The following NOS1AP variants were observed in gnomAD, a reference collection of about 807,000 sequenced individuals.
The protein encoded by NOS1AP is carboxyl-terminal PDZ ligand of neuronal nitric oxide synthase protein.
In NOS1AP, 21 loss-of-function variants were observed where a neutral mutation model predicts 56.2. The ratio of observed to expected loss-of-function variants is 0.37; its 90% CI spans 0.26 to 0.54. NOS1AP has a LOEUF of 0.54. NOS1AP is among the 20% of genes least tolerant of loss of function. The probability of loss-of-function intolerance (pLI) is 0.84; values close to 1 mark genes in which losing one functional copy is unlikely to be tolerated. For synonymous variants in NOS1AP, 270 were observed against 274.6 expected (o/e 0.98, Z 0.17); for missense variants, 522 against 657.8 (o/e 0.79, Z 2.26).
chr1:162,073,245 C>A (rs185113388), intron 1 of NOS1AP, among the ~76,000 whole-genome samples: 1 of 152,154 alleles, frequency 6.6e-6, no homozygotes, highest in African/African-American at 2.4e-5. Flanking sequence ...GAGGTTGTTG[C>A]GTGCCTTAGT....
chr1:162,086,246 A>G (rs915684248), intron 1 of NOS1AP, among the ~76,000 whole-genome samples: 6 of 152,058 alleles, frequency 3.9e-5, no homozygotes, highest in Admixed American at 6.5e-5. Flanking sequence ...TAGCAGCTCT[A>G]TGGAGAGTGG....
chr1:162,350,622 T>A (rs1657461016), intron 6 of NOS1AP, among the ~76,000 whole-genome samples: 1 of 152,274 alleles, frequency 6.6e-6, no homozygotes, highest in Non-Finnish European at 1.5e-5. Flanking sequence ...TGGAGCCTTT[T>A]GGCAAAATAG....
intron 3 of NOS1AP, among the ~76,000 whole-genome samples, chr1:162,300,209 A>C (rs1310955483): frequency 6.6e-6 from 1 of 152,134 alleles, no homozygotes; most frequent in Non-Finnish European, 1.5e-5. Flanking sequence ...ACTACGATTG[A>C]ATCCACTCTC....
chr1:162,292,740 C>T (rs1342194468), intron 3 of NOS1AP, among the ~76,000 whole-genome samples: 3 of 152,154 alleles, frequency 2.0e-5, no homozygotes, highest in East Asian at 1.9e-4. Context: ...GGGTGTATTA[C>T]ATCACAGGGA....
intron 1 of NOS1AP, among the ~76,000 whole-genome samples, chr1:162,107,255 A>T (rs1647549255): frequency 6.6e-6 from 1 of 152,220 alleles, no homozygotes; most frequent in Non-Finnish European, 1.5e-5. Flanking sequence ...GGGTAATGGG[A>T]TGGAGGGAAA....
At chr1:162,326,965 T>A (rs1656612675) in intron 4 of NOS1AP, among the ~76,000 whole-genome samples, 1 of 152,238 alleles carries the variant, frequency 6.6e-6, no homozygotes, top group South Asian at 2.1e-4. Flanking sequence ...ATCATGTGAC[T>A]GCCCAGATTT....
At chr1:162,156,698 T>C (rs1386724559) in intron 2 of NOS1AP, among the ~76,000 whole-genome samples, 1 of 152,216 alleles carries the variant, frequency 6.6e-6, no homozygotes, top group Non-Finnish European at 1.5e-5. Flanking sequence ...TAGTAGCTAC[T>C]ATTAGGAATA....
intron 2 of NOS1AP, among the ~76,000 whole-genome samples, chr1:162,210,154 G>T (rs1409674861): frequency 2.6e-5 from 4 of 152,178 alleles, no homozygotes; most frequent in Non-Finnish European, 4.4e-5. Context: ...AGGCTCTGAG[G>T]GGGAGAGAGT....
chr1:162,342,991 T>C (rs1166327598), intron 5 of NOS1AP, among the ~76,000 whole-genome samples: 1 of 152,186 alleles, frequency 6.6e-6, no homozygotes, highest in Non-Finnish European at 1.5e-5. Flanking sequence ...CTCATTTCTG[T>C]CCTTGAAAGA....
intron 2 of NOS1AP, among the ~76,000 whole-genome samples, chr1:162,206,720 C>T (rs1281240793): frequency 1.3e-5 from 2 of 152,170 alleles, no homozygotes; most frequent in African/African-American, 2.4e-5. Flanking sequence ...TGCAAAGGGG[C>T]CATGCAGTGT....
At chr1:162,322,974 C>T (rs1389838251) in intron 4 of NOS1AP, among the ~76,000 whole-genome samples, 1 of 152,212 alleles carries the variant, frequency 6.6e-6, no homozygotes, top group Non-Finnish European at 1.5e-5. Flanking sequence ...AATTCTAATG[C>T]AGATACTATA....
intron 3 of NOS1AP, among the ~76,000 whole-genome samples, chr1:162,293,870 C>G (rs182537575): frequency 6.6e-6 from 1 of 152,236 alleles, no homozygotes; most frequent in Admixed American, 6.5e-5. Flanking sequence ...AGGTGGAGAC[C>G]AATTTTAGTA....
At position 162,263,101 on chromosome 1, in the gene NOS1AP, C is replaced by T. The variant is rs753833005; in HGVS notation, c.178-24243C>T. 1.1e-3 allele frequency among the ~76,000 whole-genome samples: 174 copies of T among 152,272 alleles called. 1 individual carries two copies. Among genetic ancestry groups the T allele is most frequent in the Non-Finnish European group, 3.5e-4 (24 of 68,032 alleles). On this transcript the variant is annotated intron_variant, in intron 2 of 9. Coordinates refer to ENST00000361897, the MANE Select transcript of NOS1AP (RefSeq NM_014697.3). The stretch of plus-strand genomic sequence containing the variant: ...TAATTTTTTGATTTTCACTATATAT[C>T]GCACTCTTCTGACTTTACTCTTTCC...
At chr1:162,265,224 C>CTT (rs61039086) in intron 2 of NOS1AP, among the ~76,000 whole-genome samples, 1 of 148,398 alleles carries the variant, frequency 6.7e-6, no homozygotes, top group African/African-American at 2.5e-5. Flanking sequence ...GGGTCGTTTT[C>CTT]TTTTTTTTTT....
intron 2 of NOS1AP, among the ~76,000 whole-genome samples, chr1:162,203,439 A>G (rs936769912): frequency 3.9e-5 from 6 of 152,228 alleles, no homozygotes; most frequent in Non-Finnish European, 7.3e-5. Context: ...CCCAGCACAC[A>G]TCTACAAAGT....
chr1:162,092,351 G>C (rs1049429773), intron 1 of NOS1AP, among the ~76,000 whole-genome samples: 2 of 152,192 alleles, frequency 1.3e-5, no homozygotes, highest in Non-Finnish European at 2.9e-5. Flanking sequence ...GATTTCATCA[G>C]CACTATCACA....
intron 1 of NOS1AP, among the ~76,000 whole-genome samples, chr1:162,153,372 C>T (rs1649800261): frequency 6.6e-6 from 1 of 152,098 alleles, no homozygotes; most frequent in South Asian, 2.1e-4. Context: ...CAAGTGGTCT[C>T]CTTGCCTCAG....
At position 162,355,340 on chromosome 1, in the gene NOS1AP, A is replaced by G; in HGVS notation, c.749A>G (p.His250Arg). The part of the protein sequence containing the change: ...LDAVGKEGGS[H>R]TGSKVSHPQE... ...GCTGTAGGGAAGGAAGGAGGCTCTC[A>G]CACAGGCTCCAAGGTAGGCAAGAGA... Residue 250 changes from histidine (H) to arginine (R), a missense_variant, in exon 7 of 10, where the codon CAC becomes CGC. This residue lies in a region of NOS1AP where 178 missense variants were observed against 165.0 expected (regional missense o/e 1.08). Coordinates refer to ENST00000361897, the MANE Select transcript of NOS1AP (RefSeq NM_014697.3). 6.2e-7 allele frequency: 1 copy of G among 1,614,130 alleles called. No individual in the cohort carries two copies. Among genetic ancestry groups the G allele is most frequent in the Non-Finnish European group, 8.5e-7 (1 of 1,180,026 alleles).
At position 162,210,504 on chromosome 1, in the gene NOS1AP, C is replaced by T. The variant is rs561433951; in HGVS notation, c.177+56028C>T. 6.3e-4 allele frequency among the ~76,000 whole-genome samples: 96 copies of T among 152,202 alleles called. 2 individuals are homozygous for T. Among genetic ancestry groups the T allele is most frequent in the Admixed American group, 4.5e-3 (69 of 15,286 alleles). On this transcript the variant is annotated intron_variant, in intron 2 of 9. Coordinates refer to ENST00000361897, the MANE Select transcript of NOS1AP (RefSeq NM_014697.3). ...TTCTCTGGAAATTATTTCTCTCAGG[C>T]CCATGACTGTCATATCACCGAGCTC... is the stretch of plus-strand genomic sequence containing the variant.
Sources: gnomAD v4.1 joint callset for allele counts (sites outside exome capture counted in the v4.1 genomes callset) on GRCh38, gnomAD v4.1.1 for gene constraint, gnomAD v4.1.1 regional missense constraint, MANE v1.5 for transcripts, NCBI Gene and HGNC (gene_info 2026-07-23, HGNC 2026-07-21) for gene names.